The following MAPRE1 variants were observed in gnomAD, a reference collection of about 807,000 sequenced individuals.
MAPRE1 encodes microtubule associated protein RP/EB family member 1, also known as microtubule-associated protein RP/EB family member 1.
Under a neutral mutation model 32.1 loss-of-function variants are expected in MAPRE1, and 5 were observed. The observed-to-expected ratio is 0.16, with a 90% CI of 0.08 to 0.33. The LOEUF (loss-of-function observed/expected upper bound fraction) is 0.33, where lower values mean the gene tolerates loss of function less well. MAPRE1 is among the 10% of genes least tolerant of loss of function. The pLI is 1.00. For missense variants in MAPRE1, 209 were observed against 327.2 expected, an observed-to-expected ratio of 0.64 and a Z score of 2.79; for synonymous variants, 122 against 118.9, an observed-to-expected ratio of 1.03 and a Z score of -0.17.
chr20:32,820,787 C>G (rs1258563842), intron 1 of MAPRE1, among the ~76,000 whole-genome samples: 41 of 148,210 alleles, frequency 2.8e-4, no homozygotes, highest in Non-Finnish European at 6.1e-5. Context: ...CCCTCGGATG[C>G]TGCAGGGCAG....
chr20:32,840,928 G>A (rs1983340325), intron 5 of MAPRE1, among the ~76,000 whole-genome samples: 1 of 152,056 alleles, frequency 6.6e-6, no homozygotes, highest in Non-Finnish European at 1.5e-5. Context: ...GGATTCTTCC[G>A]CCTCAGCCTC....
intron 1 of MAPRE1, among the ~76,000 whole-genome samples, chr20:32,822,737 C>G (rs191045953): frequency 2.5e-4 from 38 of 152,332 alleles, no homozygotes; most frequent in Admixed American, 2.1e-3. Context: ...GCCTCACATT[C>G]AAACCCATGT....
rs1267708170 is a variant in MAPRE1 at position 32,848,971 on chromosome 20, C to G, written c.*243C>G. The G allele has an allele frequency of 8.5e-6, 3 of 351,930 alleles. No individual in the cohort carries two copies. The highest frequency in any genetic ancestry group is 6.3e-5 in the African/African-American group (3 of 47,668). The allele number at this position is 351,930 out of a possible 1,614,324, so 21.8% of individuals were successfully genotyped here. A position where few individuals can be genotyped will look rare whatever the true frequency, so the allele number is the denominator to read the frequency against. On this transcript the variant is annotated 3_prime_UTR_variant, in exon 7 of 7. Transcript: ENST00000375571. ...TTGGTTCACCTGGAAAACAGAGAGG[C>G]TGACCGTGGGGCTCACCATGCGGAT... is the stretch of plus-strand genomic sequence containing the variant.
chr20:32,820,870 T>C (rs981941244), intron 1 of MAPRE1, among the ~76,000 whole-genome samples: 5 of 152,198 alleles, frequency 3.3e-5, no homozygotes, highest in African/African-American at 1.2e-4. Context: ...AGGCCGGGCA[T>C]CCGCTTCTCC....
chr20:32,830,082 A>G (rs1982975092), intron 2 of MAPRE1, among the ~76,000 whole-genome samples: 1 of 152,048 alleles, frequency 6.6e-6, no homozygotes, highest in African/African-American at 2.4e-5. Context: ...GCACATGTAG[A>G]GGGGTCTCAC....
chr20:32,830,181 T>C (rs573498291), intron 2 of MAPRE1, among the ~76,000 whole-genome samples: 5 of 152,268 alleles, frequency 3.3e-5, no homozygotes, highest in Admixed American at 3.3e-4. Context: ...AAGGTGTTGA[T>C]GTTCCCAGGC....
intron 2 of MAPRE1, 63 bp from the exon 3 acceptor site, chr20:32,833,654 G>T: frequency 6.7e-7 from 1 of 1,484,990 alleles, no homozygotes; most frequent in South Asian, 1.2e-5. Flanking sequence ...GGTTTAAGTG[G>T]GTCTGGGAAG....
Position 32,836,592 on chromosome 20 carries a change from A to G in MAPRE1, c.268-42A>G, listed in dbSNP as rs186510921. On this transcript the variant is annotated intron_variant, in intron 3 of 6. Coordinates refer to ENST00000375571, the MANE Select transcript of MAPRE1 (RefSeq NM_012325.3). Reference sequence around the variant, plus strand: ...GCATGGACTAGTTTGATGCTTGCCAAAAGCCTCTTTTTTGGGGCTAAACAG... The same window carrying G: ...GCATGGACTAGTTTGATGCTTGCCAGAAGCCTCTTTTTTGGGGCTAAACAG... 59 of 1,233,480 alleles carry G rather than the reference A, an allele frequency of 4.8e-5. No individual in the cohort carries two copies. The African/African-American group carries it at 7.0e-4, about 15-fold the overall frequency. The allele number at this position is 1,233,480 out of a possible 1,614,324, so 76.4% of individuals were successfully genotyped here.
intron 2 of MAPRE1, among the ~76,000 whole-genome samples, chr20:32,826,383 A>ATT (rs1344685323): frequency 2.0e-5 from 3 of 149,708 alleles, no homozygotes; most frequent in African/African-American, 7.4e-5. Flanking sequence ...CGCCTGGCTA[A>ATT]TTTTTTTGTA....
At chr20:32,844,926 G>C (rs994132632) in intron 5 of MAPRE1, among the ~76,000 whole-genome samples, 1 of 152,190 alleles carries the variant, frequency 6.6e-6, no homozygotes, top group African/African-American at 2.4e-5. Context: ...AGCAAAAGCA[G>C]AGGTGGGGAC....
chr20:32,833,920 G>T, intron 3 of MAPRE1, 58 bp downstream of exon 3: 2 of 1,424,768 alleles, frequency 1.4e-6, no homozygotes, highest in Non-Finnish European at 9.5e-7. Flanking sequence ...TTACTAAGGA[G>T]GTAGATGCTA....
At chr20:32,841,532 T>C (rs1294074906) in intron 5 of MAPRE1, among the ~76,000 whole-genome samples, 2 of 151,776 alleles carry the variant, frequency 1.3e-5, no homozygotes. Context: ...TAGTTACATA[T>C]GTATACATGT....
chr20:32,828,914 A>G (rs568717637), intron 2 of MAPRE1, among the ~76,000 whole-genome samples: 2 of 152,246 alleles, frequency 1.3e-5, no homozygotes, highest in East Asian at 1.9e-4. Flanking sequence ...CTGTTTCACT[A>G]TAAAGTCTGT....
In MAPRE1 at chr20:32,846,674, C is replaced by T. The variant is rs762741175; in HGVS notation, c.654C>T (p.Phe218=). The T allele has an allele frequency of 1.1e-5, 17 of 1,613,876 alleles. No individual in the cohort carries two copies. Among genetic ancestry groups the T allele is most frequent in the Admixed American group, 1.7e-5 (1 of 59,990 alleles). ...EDLEKERDFY[F]GKLRNIELIC... ...TGGAGAAAGAGAGGGATTTCTACTT[C>T]GGAAAGCTACGGAACATTGAATTGA... Residue 218 remains phenylalanine (F), a synonymous_variant, in exon 6 of 7, where the codon TTC becomes TTT. Transcript: ENST00000375571.
chr20:32,842,549 A>T (rs965566789), intron 5 of MAPRE1, among the ~76,000 whole-genome samples: 1 of 152,214 alleles, frequency 6.6e-6, no homozygotes, highest in African/African-American at 2.4e-5. Flanking sequence ...CAGAACCTAG[A>T]TCAGTCAGTC....
Position 32,833,859 on chromosome 20 carries a change from CA to C in MAPRE1, c.267del (p.Ile90Ter). The C allele has an allele frequency of 6.2e-7, 1 of 1,612,702 alleles. No homozygotes were observed. The highest frequency in any genetic ancestry group is 8.5e-7 in the Non-Finnish European group (1 of 1,178,996). On this transcript the variant is annotated frameshift_variant and splice_region_variant, in exon 3 of 7. Coordinates refer to ENST00000375571, the MANE Select transcript of MAPRE1 (RefSeq NM_012325.3). LOFTEE classifies it high-confidence loss of function. Reference protein sequence around the residue: ...QAGFKRMGVDKIIPVDKLVKG... With the variant: ...QAGFKRMGVDXIIPVDKLVKG... The stretch of plus-strand genomic sequence containing the variant: ...CAGGTTTTAAGAGAATGGGTGTTGA[CA>C]AAGTAAGTAAACGTTATCTTTTATT...
intron 1 of MAPRE1, among the ~76,000 whole-genome samples, chr20:32,824,608 C>A (rs1354982251): frequency 1.3e-5 from 2 of 151,950 alleles, no homozygotes; most frequent in African/African-American, 4.8e-5. Context: ...CCTGTAAGGT[C>A]ATTTGATACT....
intron 6 of MAPRE1, 111 bp from the exon 7 acceptor site, chr20:32,848,561 T>C (rs1983567537): frequency 2.7e-6 from 2 of 749,192 alleles, no homozygotes; most frequent in Non-Finnish European, 2.2e-6. Flanking sequence ...ACCTGGCCTG[T>C]ATAGAGCCAG....
At chr20:32,837,428 AG>A in intron 4 of MAPRE1, among the ~76,000 whole-genome samples, 1 of 152,006 alleles carries the variant, frequency 6.6e-6, no homozygotes, top group Admixed American at 6.6e-5. Flanking sequence ...GGTAGGGGAG[AG>A]GCTGATTTTA....
Sources: gnomAD v4.1 joint callset for allele counts (sites outside exome capture counted in the v4.1 genomes callset) on GRCh38, gnomAD v4.1.1 for gene constraint, MANE v1.5 for transcripts, NCBI Gene and HGNC (gene_info 2026-07-23, HGNC 2026-07-21) for gene names.